The following TBRG1 variants were observed in gnomAD, a reference collection of about 807,000 sequenced individuals.
TBRG1 encodes the protein nuclear interactor of ARF and MDM2.
Under a neutral mutation model 44.0 loss-of-function variants are expected in TBRG1, and 31 were observed. The observed-to-expected ratio is 0.70, with a 90% CI of 0.53 to 0.95. The LOEUF is 0.95. TBRG1 is among the 40% of genes least tolerant of loss of function. The pLI is 0.00. For missense variants in TBRG1, 487 were observed against 496.1 expected, an observed-to-expected ratio of 0.98 and a Z score of 0.18; for synonymous variants, 171 against 188.1, an observed-to-expected ratio of 0.91 and a Z score of 0.74.
Position 124,632,118 on chromosome 11 carries a change from G to C in TBRG1, c.1116G>C (p.Gln372His), listed in dbSNP as rs1942629401. Residue 372 changes from glutamine to histidine, a missense_variant, in exon 9 of 9, where the codon CAG becomes CAC. Gln to His is a conservative substitution (Grantham distance 24, BLOSUM62 0). Transcript: ENST00000441174. Reference protein sequence around the residue: ...LPGSLDLPELQPAAFVSSYQP... With the variant: ...LPGSLDLPELHPAAFVSSYQP... ...GATCCTTGGACCTCCCAGAGCTTCAGCCTGCAGCCTTTGTGTCTTCTTACC... is the reference window on the plus strand; with the variant it reads ...GATCCTTGGACCTCCCAGAGCTTCACCCTGCAGCCTTTGTGTCTTCTTACC... The C allele has an allele frequency of 6.2e-7, 1 of 1,613,652 alleles. No homozygotes were observed. Among genetic ancestry groups the C allele is most frequent in the Admixed American group, 1.7e-5 (1 of 60,014 alleles).
In TBRG1 at chr11:124,631,846, C is replaced by T. The variant is rs1942618200; in HGVS notation, c.1091-247C>T. The stretch of plus-strand genomic sequence containing the variant: ...GCTTTGGGGTCATATAGGGAAAACT[C>T]TGGGTTAAAAAATGGAATTGAAATT... On this transcript the variant is annotated intron_variant, in intron 8 of 8. Transcript: ENST00000441174. The T allele has an allele frequency of 6.4e-6, 3 of 470,148 alleles. No homozygotes were observed. The Admixed American group carries it at 1.1e-4, about 17-fold the overall frequency. 29.1% of individuals were successfully genotyped at this position (470,148 alleles called of 1,614,324 possible). A position where few individuals can be genotyped will look rare whatever the true frequency, so the allele number is the denominator to read the frequency against.
rs931984548 is a variant in TBRG1, at chr11:124,622,917, C to A, written c.-167C>A. 14 of 694,424 alleles carry A rather than the reference C, an allele frequency of 2.0e-5. No individual in the cohort carries two copies. The highest frequency in any genetic ancestry group is 4.6e-6 in the Non-Finnish European group (2 of 436,226). The allele number at this position is 694,424 out of a possible 1,614,324, so 43.0% of individuals were successfully genotyped here. ...GAGGCGCCGGGAGCCCGTTCGGTTG[C>A]GGGTGTCTCTGGCCCTGCGGTCAGC... On this transcript the variant is annotated 5_prime_UTR_variant, in exon 1 of 9. Coordinates refer to ENST00000441174, the MANE Select transcript of TBRG1 (RefSeq NM_032811.3).
rs987324060 is a variant in TBRG1 at position 124,625,922 on chromosome 11, A to G, written c.454+19A>G. 4 of 1,543,670 alleles carry G rather than the reference A, an allele frequency of 2.6e-6. No homozygotes were observed. Among genetic ancestry groups the G allele is most frequent in the Non-Finnish European group, 3.5e-6 (4 of 1,148,226 alleles). On this transcript the variant is annotated intron_variant, in intron 3 of 8. Transcript: ENST00000441174. Reference sequence around the variant, plus strand: ...CTGGAAGGTACTTTGGGGAGATGATATCAGTTGCCCCAGTGACTCACCTAC... The same window carrying G: ...CTGGAAGGTACTTTGGGGAGATGATGTCAGTTGCCCCAGTGACTCACCTAC...
chr11:124,628,899 A>G (rs566063676), intron 5 of TBRG1, among the ~76,000 whole-genome samples: 4 of 152,316 alleles, frequency 2.6e-5, no homozygotes, highest in Admixed American at 2.6e-4. Context: ...CTGTGGCAGT[A>G]TTTGCAATAG....
At chr11:124,631,153 A>G (rs762254795) in intron 7 of TBRG1, 122 bp from the exon 8 acceptor site, 5 of 974,610 alleles carry the variant, frequency 5.1e-6, no homozygotes, top group African/African-American at 1.7e-5. Flanking sequence ...TTGTTAGCAA[A>G]TATGTGTTTT....
At chr11:124,628,843 T>C (rs1169025409) in intron 5 of TBRG1, among the ~76,000 whole-genome samples, 1 of 152,118 alleles carries the variant, frequency 6.6e-6, no homozygotes, top group Non-Finnish European at 1.5e-5. Context: ...CATTTGCACC[T>C]AGAGAAATGT....
At chr11:124,624,363 C>CAAAAAAAAAAAA (rs61352898) in intron 1 of TBRG1, among the ~76,000 whole-genome samples, 1 of 83,580 alleles carries the variant, frequency 1.2e-5, no homozygotes, top group Admixed American at 1.3e-4. Context: ...TCATCATTTA[C>CAAAAAAAAAAAA]AAAAAAAAAA....
chr11:124,623,482 TAA>T (rs1565397729), intron 1 of TBRG1: 1 of 579,202 alleles, frequency 1.7e-6, no homozygotes, highest in Non-Finnish European at 3.2e-6. Flanking sequence ...GCTTGGTGCG[TAA>T]AAGACATACC....
intron 5 of TBRG1, among the ~76,000 whole-genome samples, chr11:124,628,102 TATATATATATATATACACAC>T (rs1276269643): frequency 5.3e-4 from 27 of 51,408 alleles, no homozygotes; most frequent in African/African-American, 2.6e-3. Flanking sequence ...TATATATATA[TATATATATATATATACACAC>T]ACACACACAC....
intron 1 of TBRG1, 60 bp from the exon 2 acceptor site, chr11:124,624,871 G>A (rs1017308497): frequency 5.2e-6 from 6 of 1,151,878 alleles, no homozygotes; most frequent in Non-Finnish European, 6.1e-6. Flanking sequence ...CCTCTTCCCA[G>A]CATAATAATG....
chr11:124,632,763 C>T lies in TBRG1; in HGVS notation c.*525C>T, dbSNP rs921685477. The T allele has an allele frequency of 5.9e-5, 9 of 153,574 alleles. No individual in the cohort carries two copies. The highest frequency in any genetic ancestry group is 1.9e-4 in the East Asian group (1 of 5,220). 9.5% of individuals were successfully genotyped at this position (153,574 alleles called of 1,614,324 possible). ...GGTCCCTTTTATAAGATCACTAAGC[C>T]GGTTCATGAGAGGTCTGCTCTCATG... On this transcript the variant is annotated 3_prime_UTR_variant, in exon 9 of 9. Transcript: ENST00000441174.
In TBRG1 at chr11:124,635,567, T is replaced by G. The variant is rs1049397895; in HGVS notation, c.*3329T>G. 1.3e-5 allele frequency: 2 copies of G among 152,198 alleles called. No homozygotes were observed. Among genetic ancestry groups the G allele is most frequent in the African/African-American group, 2.4e-5 (1 of 41,456 alleles). 9.4% of individuals were successfully genotyped at this position (152,198 alleles called of 1,614,324 possible). ...GAATTCCACATAATGTTTTAAATTA[T>G]TCAGCCACTAAAAATAAATTTACAT... On this transcript the variant is annotated 3_prime_UTR_variant, in exon 9 of 9. Coordinates refer to ENST00000441174, the MANE Select transcript of TBRG1 (RefSeq NM_032811.3).
intron 2 of TBRG1, 117 bp from the exon 3 acceptor site, chr11:124,625,554 T>A (rs773158651): frequency 1.1e-4 from 105 of 923,848 alleles, no homozygotes; most frequent in Non-Finnish European, 1.6e-4. Context: ...AGAACCTTTC[T>A]TTTATGAGTA....
Position 124,635,308 on chromosome 11 carries a change from C to G in TBRG1, c.*3070C>G, listed in dbSNP as rs1290354516. 6.6e-6 allele frequency: 1 copy of G among 152,058 alleles called. No individual in the cohort carries two copies. Among genetic ancestry groups the G allele is most frequent in the Non-Finnish European group, 1.5e-5 (1 of 67,944 alleles). 9.4% of individuals were successfully genotyped at this position (152,058 alleles called of 1,614,324 possible). On this transcript the variant is annotated 3_prime_UTR_variant, in exon 9 of 9. Coordinates refer to ENST00000441174, the MANE Select transcript of TBRG1 (RefSeq NM_032811.3). ...AGGGGTTAACTGAACGAGTTGAATG[C>G]TAGGAAGTCCTCAGGGGAGCCAACG... is the stretch of plus-strand genomic sequence containing the variant.
In TBRG1 at chr11:124,624,916, C is replaced by T. The variant is rs187669512; in HGVS notation, c.151-15C>T. 27 of 1,492,538 alleles carry T rather than the reference C, an allele frequency of 1.8e-5. No individual in the cohort carries two copies. The African/African-American group carries it at 3.4e-4, about 19-fold the overall frequency. The allele number at this position is 1,492,538 out of a possible 1,614,324, so 92.5% of individuals were successfully genotyped here. On this transcript the variant is annotated splice_polypyrimidine_tract_variant and intron_variant, in intron 1 of 8. Coordinates refer to ENST00000441174, the MANE Select transcript of TBRG1 (RefSeq NM_032811.3). ...TATTCATTTTATGTTATTATATTCACATTTTTACTTAAAGGAAAATGCTGC... is the reference window on the plus strand; with the variant it reads ...TATTCATTTTATGTTATTATATTCATATTTTTACTTAAAGGAAAATGCTGC...
In TBRG1 at chr11:124,632,093, G is replaced by C. The variant is rs781538577; in HGVS notation, c.1091G>C (p.Gly364Ala). 5.1e-5 allele frequency: 83 copies of C among 1,613,552 alleles called. No homozygotes were observed. The highest frequency in any genetic ancestry group is 6.7e-5 in the Non-Finnish European group (79 of 1,179,606). ...DEDQNDPLLP[G>A]SLDLPELQPA... ...GAACTTAAGGAATTGTTTTCTCCAG[G>C]ATCCTTGGACCTCCCAGAGCTTCAG... is the stretch of plus-strand genomic sequence containing the variant. Residue 364 changes from glycine to alanine, a missense_variant and splice_region_variant, in exon 9 of 9, where the codon GGA becomes GCA. Coordinates refer to ENST00000441174, the MANE Select transcript of TBRG1 (RefSeq NM_032811.3).
At chr11:124,631,456 G>T (rs763943572) in intron 8 of TBRG1, 39 bp downstream of exon 8, 2 of 1,604,302 alleles carry the variant, frequency 1.2e-6, no homozygotes, top group Non-Finnish European at 1.7e-6. Context: ...AAAATTGACT[G>T]TGTTTAGGCT....
chr11:124,623,481 G>A, intron 1 of TBRG1: 2 of 582,138 alleles, frequency 3.4e-6, no homozygotes, highest in Non-Finnish European at 6.3e-6. Context: ...TGCTTGGTGC[G>A]TAAAAGACAT....
chr11:124,622,911 C>G lies in TBRG1; in HGVS notation c.-173C>G, dbSNP rs368125476. The G allele has an allele frequency of 2.0e-4, 131 of 657,574 alleles. 1 individual carries two copies. The East Asian group carries it at 3.7e-3, about 18-fold the overall frequency. The allele number at this position is 657,574 out of a possible 1,614,324, so 40.7% of individuals were successfully genotyped here. The stretch of plus-strand genomic sequence containing the variant: ...TGCTGGGAGGCGCCGGGAGCCCGTT[C>G]GGTTGCGGGTGTCTCTGGCCCTGCG... On this transcript the variant is annotated 5_prime_UTR_variant, in exon 1 of 9. Coordinates refer to ENST00000441174, the MANE Select transcript of TBRG1 (RefSeq NM_032811.3).
Sources: allele counts gnomAD v4.1 joint callset (sites outside exome capture counted in the v4.1 genomes callset), GRCh38; gene constraint gnomAD v4.1.1; transcripts MANE v1.5; gene names NCBI Gene and HGNC (gene_info 2026-07-23, HGNC 2026-07-21).